ELL2: variants seen among roughly 807,000 people sequenced by gnomAD.
ELL2 encodes the protein elongation factor for RNA polymerase II 2, also known as RNA polymerase II elongation factor ELL2.
In ELL2, 21 loss-of-function variants were observed where a neutral mutation model predicts 72.8. The observed-to-expected ratio is 0.29, with a 90% CI of 0.20 to 0.42. The LOEUF (loss-of-function observed/expected upper bound fraction) is 0.42. Among genes scored for constraint, ELL2 ranks in the 10% least tolerant of loss-of-function variants. The pLI is 1.00. For missense variants in ELL2, 568 were observed against 772.8 expected, an observed-to-expected ratio of 0.73 and a Z score of 3.14; for synonymous variants, 266 against 283.2, an observed-to-expected ratio of 0.94 and a Z score of 0.61.
intron 1 of ELL2, among the ~76,000 whole-genome samples, chr5:95,955,446 T>G (rs1042849837): frequency 5.3e-5 from 8 of 152,184 alleles, no homozygotes; most frequent in African/African-American, 2.4e-5. Flanking sequence ...TGGCAACTCT[T>G]AAACCAGTTC....
intron 7 of ELL2, 131 bp from the exon 8 acceptor site, chr5:95,898,941 G>A (rs563019258): frequency 4.2e-5 from 26 of 622,932 alleles, no homozygotes; most frequent in Middle Eastern, 3.1e-4. Context: ...AATATTACAC[G>A]CTTTCTTCAT....
chr5:95,943,115 T>C (rs956761420), intron 1 of ELL2, 66 bp from the exon 2 acceptor site: 2 of 1,387,348 alleles, frequency 1.4e-6, no homozygotes, highest in Non-Finnish European at 2.0e-6. Flanking sequence ...ACTAAATGTT[T>C]AAACTTTAAA....
At chr5:95,916,938 C>G (rs1301165762) in intron 3 of ELL2, among the ~76,000 whole-genome samples, 4 of 152,160 alleles carry the variant, frequency 2.6e-5, no homozygotes, top group African/African-American at 4.8e-5. Flanking sequence ...ATAAGCTGAA[C>G]ATACTGCCCC....
chr5:95,898,850 T>A (rs1748997525), intron 7 of ELL2, 40 bp from the exon 8 acceptor site: 1 of 1,422,566 alleles, frequency 7.0e-7, no homozygotes, highest in Non-Finnish European at 9.3e-7. Context: ...CAGTTTGCAC[T>A]AAAATTAAAT....
chr5:95,891,203 T>A lies in ELL2; in HGVS notation c.1661A>T (p.Glu554Val). The A allele has an allele frequency of 6.2e-7, 1 of 1,614,200 alleles. No homozygotes were observed. ...YKDDFNAEYD[E>V]YRALHARMET... ...CATCCTGGCATGCAAAGCTCTGTAC[T>A]CATCATACTCTGCATTGAAGTCATC... Residue 554 changes from glutamate (E) to valine (V), a missense_variant, in exon 10 of 12, where the codon GAG (glutamate) becomes GTG (valine). Transcript: ENST00000237853.
rs756339698 is a variant in ELL2 at position 95,895,699 on chromosome 5, G to GA, written c.1526-9dup. 161 of 1,608,914 alleles carry GA rather than the reference G, an allele frequency of 1.0e-4. No individual in the cohort carries two copies. The highest frequency in any genetic ancestry group is 1.2e-4 in the Non-Finnish European group (144 of 1,177,124). ...TGCAATCCTCTTTAACTCCTATGAA[G>GA]AAAAAAAACAAAATCAGAGCATTCA... On this transcript the variant is annotated splice_polypyrimidine_tract_variant and intron_variant, in intron 8 of 11. Coordinates refer to ENST00000237853, the MANE Select transcript of ELL2 (RefSeq NM_012081.6).
At chr5:95,952,097 T>C (rs1751431727) in intron 1 of ELL2, among the ~76,000 whole-genome samples, 1 of 152,144 alleles carries the variant, frequency 6.6e-6, no homozygotes, top group African/African-American at 2.4e-5. Context: ...AGGTGGTACA[T>C]ATATACCATG....
chr5:95,927,626 T>C (rs538922271), intron 2 of ELL2, among the ~76,000 whole-genome samples: 8 of 28,136 alleles, frequency 2.8e-4, no homozygotes, highest in African/African-American at 1.1e-3. Flanking sequence ...TATATAGACA[T>C]ACACACACAC....
chr5:95,890,161 AAAT>A (rs1748605587), intron 10 of ELL2, among the ~76,000 whole-genome samples: 1 of 152,180 alleles, frequency 6.6e-6, no homozygotes, highest in South Asian at 2.1e-4. Flanking sequence ...ATAGAAAAAA[AAAT>A]AAACCCCAAA....
intron 2 of ELL2, among the ~76,000 whole-genome samples, chr5:95,939,805 T>G (rs1287891601): frequency 6.6e-6 from 1 of 152,232 alleles, no homozygotes; most frequent in African/African-American, 2.4e-5. Flanking sequence ...ACAATAAAAA[T>G]GTTGCTTTTG....
chr5:95,920,277 ATATTTATTTATTTATTTATT>A (rs70978197), intron 2 of ELL2, among the ~76,000 whole-genome samples: 43 of 135,256 alleles, frequency 3.2e-4, no homozygotes, highest in Middle Eastern at 3.7e-3. Context: ...TAAATTTTTA[ATATTTATTTATTTATTTATT>A]TATTTATTTA....
chr5:95,906,805 T>C (rs753702039), intron 4 of ELL2, 23 bp from the exon 5 acceptor site: 8 of 1,589,420 alleles, frequency 5.0e-6, no homozygotes, highest in Admixed American at 1.7e-5. Context: ...GGAAATGACA[T>C]TGTTACACAT....
intron 8 of ELL2, 83 bp from the exon 9 acceptor site, chr5:95,895,774 C>A: frequency 9.6e-7 from 1 of 1,042,032 alleles, no homozygotes; most frequent in Non-Finnish European, 1.5e-6. Flanking sequence ...AGATTAGAAA[C>A]ATCTGGAACA....
intron 8 of ELL2, among the ~76,000 whole-genome samples, chr5:95,897,847 G>A (rs1231799918): frequency 6.6e-6 from 1 of 152,164 alleles, no homozygotes; most frequent in Admixed American, 6.5e-5. Context: ...CTGTTTCATT[G>A]AGAAAGAAGG....
At chr5:95,954,596 C>CTTTTTTTTTTTTTTT (rs1169301940) in intron 1 of ELL2, among the ~76,000 whole-genome samples, 60 of 105,870 alleles carry the variant, frequency 5.7e-4, no homozygotes, top group East Asian at 1.7e-3. Flanking sequence ...TTTTTTTTTT[C>CTTTTTTTTTTTTTTT]TTTTTTTTTT....
At chr5:95,906,224 G>A (rs1022558150) in intron 5 of ELL2, among the ~76,000 whole-genome samples, 3 of 152,122 alleles carry the variant, frequency 2.0e-5, no homozygotes, top group Admixed American at 1.3e-4. Flanking sequence ...ATACTTTAGT[G>A]TATTCAACAC....
At position 95,961,731 on chromosome 5, in the gene ELL2, C is replaced by T; in HGVS notation, c.-10G>A. On this transcript the variant is annotated 5_prime_UTR_variant, in exon 1 of 12. Transcript: ENST00000237853. The stretch of plus-strand genomic sequence containing the variant: ...TCCCCCCCGCCGCCATCTTAAACTC[C>T]CCGGGGTGCCGCCGCCGCCGCCGCT... 6.3e-7 allele frequency: 1 copy of T among 1,594,668 alleles called. No homozygotes were observed. The highest frequency in any genetic ancestry group is 8.5e-7 in the Non-Finnish European group (1 of 1,172,724).
At chr5:95,889,540 G>A (rs1748581615) in intron 10 of ELL2, among the ~76,000 whole-genome samples, 1 of 152,154 alleles carries the variant, frequency 6.6e-6, no homozygotes, top group South Asian at 2.1e-4. Context: ...AGAAAGCAAA[G>A]TGCTGAACAA....
intron 2 of ELL2, among the ~76,000 whole-genome samples, chr5:95,922,632 A>C (rs559280769): frequency 6.6e-6 from 1 of 151,928 alleles, no homozygotes; most frequent in Admixed American, 6.5e-5. Context: ...TATGCTTTTT[A>C]AGGTAAAATA....
Sources: gnomAD v4.1 joint callset for allele counts (sites outside exome capture counted in the v4.1 genomes callset) on GRCh38, gnomAD v4.1.1 for gene constraint, MANE v1.5 for transcripts, NCBI Gene and HGNC (gene_info 2026-07-23, HGNC 2026-07-21) for gene names.